The following FGGY variants were observed in gnomAD, a reference collection of about 807,000 sequenced individuals.
FGGY encodes FGGY carbohydrate kinase domain containing, also known as FGGY carbohydrate kinase domain-containing protein.
In FGGY, 72 loss-of-function variants were observed where a neutral mutation model predicts 71.3. That is an observed-to-expected ratio of 1.01 (90% CI 0.84 to 1.23). The LOEUF (loss-of-function observed/expected upper bound fraction) is 1.23. Among genes scored for constraint, FGGY ranks in the 50% most tolerant of loss-of-function variants. The pLI, the probability that FGGY is intolerant of heterozygous loss-of-function variation, is 0.00. For synonymous variants in FGGY, 251 were observed against 250.3 expected (o/e 1.00, Z -0.02); for missense variants, 668 against 682.3 (o/e 0.98, Z 0.23).
chr1:59,611,573 A>C (rs913889417), intron 9 of FGGY, among the ~76,000 whole-genome samples: 1 of 152,196 alleles, frequency 6.6e-6, no homozygotes, highest in Non-Finnish European at 1.5e-5. Flanking sequence ...AAAACTGAAA[A>C]TTCTAAAAAT....
chr1:59,539,651 G>A (rs1460572433), intron 7 of FGGY, among the ~76,000 whole-genome samples: 2 of 152,158 alleles, frequency 1.3e-5, no homozygotes, highest in African/African-American at 2.4e-5. Context: ...AAAAAATAAA[G>A]TTCCTAAAAG....
intron 5 of FGGY, among the ~76,000 whole-genome samples, chr1:59,425,244 CGTA>C (rs1225233564): frequency 6.6e-6 from 1 of 152,064 alleles, no homozygotes; most frequent in Non-Finnish European, 1.5e-5. Context: ...ATTTGGATGA[CGTA>C]GTAACATTTG....
chr1:59,578,535 G>A (rs12072249), intron 8 of FGGY, among the ~76,000 whole-genome samples: 4,206 of 152,172 alleles, frequency 0.028, 202 homozygotes, highest in African/African-American at 0.097. Context: ...TGTAGCTGCA[G>A]AAGGGAGAAT....
At chr1:59,582,569 C>A (rs988186973) in intron 8 of FGGY, among the ~76,000 whole-genome samples, 2 of 149,694 alleles carry the variant, frequency 1.3e-5, no homozygotes, top group Non-Finnish European at 2.9e-5. Context: ...TCCCTCTACT[C>A]CTTCTCCTAA....
In FGGY at chr1:59,512,400, G is replaced by A; in HGVS notation, c.760G>A (p.Val254Ile). 6.2e-7 allele frequency: 1 copy of A among 1,613,904 alleles called. No individual in the cohort carries two copies. The highest frequency in any genetic ancestry group is 8.5e-7 in the Non-Finnish European group (1 of 1,179,864). ...CCTTGGCCTTCTCCCTGGGATTGCG[G>A]TCGCAGCTTCACTCATTGATGCCCA... ...RDLGLLPGIA[V>I]AASLIDAHAG... The change falls in exon 7 of 16, where the codon GTC becomes ATC. Residue 254 changes from valine to isoleucine, a missense_variant. By Grantham distance (29) the Val-to-Ile change is conservative. Transcript: ENST00000303721.
At chr1:59,626,129 T>G in intron 10 of FGGY, 80 bp downstream of exon 10, 1 of 1,155,718 alleles carries the variant, frequency 8.7e-7, no homozygotes, top group South Asian at 1.3e-5. Flanking sequence ...GTTGGGTGAT[T>G]TTCAGATCCT....
intron 12 of FGGY, among the ~76,000 whole-genome samples, chr1:59,665,526 C>A (rs1239789695): frequency 6.6e-6 from 1 of 152,050 alleles, no homozygotes; most frequent in African/African-American, 2.4e-5. Flanking sequence ...CCCAGATCAC[C>A]CTCTGACCAC....
intron 6 of FGGY, among the ~76,000 whole-genome samples, chr1:59,511,316 A>G (rs2094512102): frequency 6.6e-6 from 1 of 152,138 alleles, no homozygotes; most frequent in Admixed American, 6.5e-5. Context: ...ACAATTAACA[A>G]GTGGCATCTT....
intron 7 of FGGY, among the ~76,000 whole-genome samples, chr1:59,523,532 TTTCCA>T (rs1287657019): frequency 1.1e-4 from 16 of 152,194 alleles, no homozygotes; most frequent in African/African-American, 3.9e-4. Context: ...TTTTAAAAAT[TTTCCA>T]TATGGGCATC....
chr1:59,698,644 C>A, intron 14 of FGGY: 1 of 567,844 alleles, frequency 1.8e-6, no homozygotes, highest in Non-Finnish European at 2.2e-6. Flanking sequence ...ATTTTTTTTT[C>A]TTGCTTCTGA....
chr1:59,306,505 A>G (rs2043459802), intron 1 of FGGY, among the ~76,000 whole-genome samples: 1 of 152,228 alleles, frequency 6.6e-6, no homozygotes, highest in African/African-American at 2.4e-5. Flanking sequence ...CCAGAACCCA[A>G]AAGGAGAAAT....
Position 59,457,015 on chromosome 1 carries a change from C to G in FGGY, c.609C>G (p.Asp203Glu). Residue 203 changes from aspartate to glutamate, a missense_variant, in exon 6 of 16, where the codon GAC becomes GAG. Asp to Glu is a conservative substitution (Grantham distance 45). Around this residue, in one of 2 missense-constraint regions of FGGY, gnomAD observed 661 missense variants for 661.6 expected, o/e 1.00. Transcript: ENST00000303721. ...CATATTCAGCAGAGAAAGGCTGGGA[C>G]GACAGTTTCTGGAAAATGATTGGTT... ...KWTYSAEKGW[D>E]DSFWKMIGLE... 1 of 1,614,032 alleles carries G rather than the reference C, an allele frequency of 6.2e-7. No homozygotes were observed.
At chr1:59,480,890 G>T (rs2093443239) in intron 6 of FGGY, among the ~76,000 whole-genome samples, 1 of 152,124 alleles carries the variant, frequency 6.6e-6, no homozygotes, top group South Asian at 2.1e-4. Context: ...GCCTCTAAAT[G>T]AGGTCTTATA....
chr1:59,716,096 T>C (rs2097844311), intron 14 of FGGY, among the ~76,000 whole-genome samples: 1 of 152,184 alleles, frequency 6.6e-6, no homozygotes, highest in Non-Finnish European at 1.5e-5. Context: ...TTAAAACCTA[T>C]TTTAAGTAGG....
chr1:59,488,688 C>T (rs1431377944), intron 6 of FGGY, among the ~76,000 whole-genome samples: 1 of 151,596 alleles, frequency 6.6e-6, no homozygotes, highest in East Asian at 1.9e-4. Context: ...TTTTAATTTA[C>T]TGTGTAACGA....
chr1:59,681,975 T>TG (rs2097504976), intron 14 of FGGY, among the ~76,000 whole-genome samples: 1 of 152,234 alleles, frequency 6.6e-6, no homozygotes, highest in Non-Finnish European at 1.5e-5. Flanking sequence ...CAGAGGTATT[T>TG]GATCCTCTGC....
intron 6 of FGGY, among the ~76,000 whole-genome samples, chr1:59,500,715 T>G (rs943174920): frequency 3.3e-5 from 5 of 150,508 alleles, no homozygotes; most frequent in Admixed American, 6.6e-5. Context: ...GACAGACCAT[T>G]TCTAAGATGA....
chr1:59,592,641 T>G (rs970163084), intron 8 of FGGY, among the ~76,000 whole-genome samples: 1 of 152,102 alleles, frequency 6.6e-6, no homozygotes, highest in African/African-American at 2.4e-5. Context: ...TGTGGGGACA[T>G]GGATGAAATT....
chr1:59,732,960 C>T (rs1266997462), intron 14 of FGGY, among the ~76,000 whole-genome samples: 1 of 152,110 alleles, frequency 6.6e-6, no homozygotes, highest in Admixed American at 6.5e-5. Context: ...ACTGCTCAGT[C>T]CTGCTGGCTT....
Sources: allele counts gnomAD v4.1 joint callset (sites outside exome capture counted in the v4.1 genomes callset), GRCh38; gene constraint gnomAD v4.1.1; regional missense constraint gnomAD v4.1.1; transcripts MANE v1.5; gene names NCBI Gene and HGNC (gene_info 2026-07-23, HGNC 2026-07-21).